FTCDNL1: variants seen among roughly 807,000 people sequenced by gnomAD.
FTCDNL1 encodes the protein formiminotransferase cyclodeaminase N-terminal like.
A neutral mutation model predicts 5.9 loss-of-function variants in FTCDNL1; 11 were observed. That is an observed-to-expected ratio of 1.87 (90% confidence interval 1.18 to 3.10). The LOEUF (loss-of-function observed/expected upper bound fraction) is 3.10. Ranked by LOEUF, FTCDNL1 falls within the 30% of genes most tolerant of loss-of-function variation. The pLI, the probability that FTCDNL1 is intolerant of heterozygous loss-of-function variation, is 0.00. For synonymous variants in FTCDNL1, 58 were observed against 24.8 expected, an observed-to-expected ratio of 2.34 and a Z score of -3.99; for missense variants, 115 against 65.5, an observed-to-expected ratio of 1.76 and a Z score of -2.61.
chr2:199,748,924 T>A, the FTCDNL1 span, among the ~76,000 whole-genome samples: 5 of 152,116 alleles, frequency 3.3e-5, no homozygotes, highest in African/African-American at 4.8e-5. Context: ...CTGCTCCCCA[T>A]TGCCTCCCAA....
At chr2:199,679,004 AC>A in the FTCDNL1 span, among the ~76,000 whole-genome samples, 1 of 152,166 alleles carries the variant, frequency 6.6e-6, no homozygotes, top group African/African-American at 2.4e-5. Flanking sequence ...GTACCAAACT[AC>A]TTCTCAGAAA....
At chr2:199,677,180 C>T in the FTCDNL1 span, among the ~76,000 whole-genome samples, 11 of 152,250 alleles carry the variant, frequency 7.2e-5, no homozygotes, top group South Asian at 2.1e-4. Context: ...GCTTTTCAAA[C>T]GAAGCTATAG....
At chr2:199,737,859 G>T in the FTCDNL1 span, among the ~76,000 whole-genome samples, 1 of 152,216 alleles carries the variant, frequency 6.6e-6, no homozygotes, top group Non-Finnish European at 1.5e-5. Context: ...GAGAGGTAGA[G>T]TAATGCAAAT....
intron 3 of FTCDNL1, among the ~76,000 whole-genome samples, chr2:199,801,033 C>T (rs1000938983): frequency 1.3e-5 from 2 of 152,170 alleles, no homozygotes; most frequent in Non-Finnish European, 2.9e-5. Flanking sequence ...GCTTCTGGCT[C>T]CATAGCTTTT....
chr2:199,843,768 A>G (rs1167986489), intron 3 of FTCDNL1, among the ~76,000 whole-genome samples: 1 of 152,232 alleles, frequency 6.6e-6, no homozygotes, highest in Non-Finnish European at 1.5e-5. Context: ...TCTTGTAATT[A>G]ACCGTGGTAC....
chr2:199,759,629 C>T (rs138325599), downstream of FTCDNL1, among the ~76,000 whole-genome samples: 50 of 152,294 alleles, frequency 3.3e-4, no homozygotes, highest in East Asian at 8.9e-3. Context: ...AAATCTATGT[C>T]TGTATTTGTC....
chr2:199,792,305 T>A (rs1425296672), intron 3 of FTCDNL1, among the ~76,000 whole-genome samples: 1 of 152,158 alleles, frequency 6.6e-6, no homozygotes, highest in Non-Finnish European at 1.5e-5. Context: ...ACATTGAACG[T>A]TATTTCTCAC....
chr2:199,794,111 T>A (rs937673918), intron 3 of FTCDNL1, among the ~76,000 whole-genome samples: 2 of 152,194 alleles, frequency 1.3e-5, no homozygotes, highest in Non-Finnish European at 2.9e-5. Context: ...TACGTTGAAA[T>A]TTTATAATTC....
the FTCDNL1 span, among the ~76,000 whole-genome samples, chr2:199,734,155 A>G: frequency 6.6e-6 from 1 of 152,170 alleles, no homozygotes; most frequent in African/African-American, 2.4e-5. Flanking sequence ...GTCACACAAA[A>G]ACGTAGGCAG....
intron 3 of FTCDNL1, among the ~76,000 whole-genome samples, chr2:199,823,664 G>A (rs954996929): frequency 1.3e-5 from 2 of 152,134 alleles, no homozygotes; most frequent in Non-Finnish European, 2.9e-5. Context: ...TATCAACAGT[G>A]GGCTTAAGAT....
At chr2:199,843,449 T>A (rs1293545126) in intron 3 of FTCDNL1, among the ~76,000 whole-genome samples, 1 of 152,194 alleles carries the variant, frequency 6.6e-6, no homozygotes, top group Non-Finnish European at 1.5e-5. Context: ...CCATGCTGAA[T>A]TTTAACTCTT....
At chr2:199,749,756 C>T in the FTCDNL1 span, among the ~76,000 whole-genome samples, 2 of 152,136 alleles carry the variant, frequency 1.3e-5, no homozygotes, top group Non-Finnish European at 2.9e-5. Context: ...CCGAGGTGGG[C>T]TCACAATACA....
At chr2:199,819,809 A>T in intron 3 of FTCDNL1, 52 bp from the exon 4 acceptor site, 1 of 672,086 alleles carries the variant, frequency 1.5e-6, no homozygotes, top group East Asian at 2.7e-5. Context: ...GCCAAATTTT[A>T]AAAACCAAAG....
At chr2:199,740,451 C>T in the FTCDNL1 span, among the ~76,000 whole-genome samples, 1 of 152,168 alleles carries the variant, frequency 6.6e-6, no homozygotes, top group Non-Finnish European at 1.5e-5. Context: ...TTCCCTCTTG[C>T]CCCCTAATCT....
At chr2:199,698,763 A>T in the FTCDNL1 span, among the ~76,000 whole-genome samples, 1 of 152,304 alleles carries the variant, frequency 6.6e-6, no homozygotes, top group East Asian at 1.9e-4. Context: ...GAAAAAAATA[A>T]CCAAAATGAG....
At chr2:199,837,126 A>T (rs981583428) in intron 3 of FTCDNL1, among the ~76,000 whole-genome samples, 1 of 152,204 alleles carries the variant, frequency 6.6e-6, no homozygotes, top group Non-Finnish European at 1.5e-5. Context: ...TCTGTTTTAC[A>T]GTAGTTGGTA....
At chr2:199,689,454 C>A in the FTCDNL1 span, among the ~76,000 whole-genome samples, 1 of 152,146 alleles carries the variant, frequency 6.6e-6, no homozygotes, top group Non-Finnish European at 1.5e-5. Flanking sequence ...TCACCCAACA[C>A]AGGAAGCTGG....
the FTCDNL1 span, among the ~76,000 whole-genome samples, chr2:199,673,762 G>A: frequency 6.6e-6 from 1 of 152,142 alleles, no homozygotes; most frequent in African/African-American, 2.4e-5. Context: ...CTTGCAAAAT[G>A]AGACTTTTGA....
the FTCDNL1 span, among the ~76,000 whole-genome samples, chr2:199,664,927 A>G: frequency 1.3e-5 from 2 of 152,216 alleles, no homozygotes; most frequent in African/African-American, 4.8e-5. Context: ...TCAATGGCCC[A>G]ATTCGCCATA....
Sources: allele counts gnomAD v4.1 joint callset (sites outside exome capture counted in the v4.1 genomes callset), GRCh38; gene constraint gnomAD v4.1.1; transcripts MANE v1.5; gene names NCBI Gene and HGNC (gene_info 2026-07-23, HGNC 2026-07-21).